RAB3GAP1: variants seen among roughly 807,000 people sequenced by gnomAD.
The protein encoded by RAB3GAP1 is rab3 GTPase-activating protein catalytic subunit.
Under a neutral mutation model 130.7 loss-of-function variants are expected in RAB3GAP1, and 86 were observed. That is an observed-to-expected ratio of 0.66 (90% CI 0.55 to 0.79). The LOEUF is 0.79. Ranked by LOEUF, RAB3GAP1 falls within the 30% of genes least tolerant of loss-of-function variation. The probability of loss-of-function intolerance (pLI) is 0.00; values close to 1 mark genes in which losing one functional copy is unlikely to be tolerated. For missense variants in RAB3GAP1, 1,029 were observed against 1,169.4 expected (o/e 0.88, Z 1.75); for synonymous variants, 367 against 401.7 (o/e 0.91, Z 1.03).
intron 5 of RAB3GAP1, among the ~76,000 whole-genome samples, chr2:135,104,709 A>C (rs1421908188): frequency 6.6e-6 from 1 of 150,376 alleles, no homozygotes; most frequent in Non-Finnish European, 1.5e-5. Flanking sequence ...AAAATAAATA[A>C]ATAAATAAAT....
At chr2:135,134,538 A>C (rs925350087) in intron 15 of RAB3GAP1, among the ~76,000 whole-genome samples, 1 of 152,186 alleles carries the variant, frequency 6.6e-6, no homozygotes, top group Non-Finnish European at 1.5e-5. Flanking sequence ...TTGACATTTT[A>C]CTTAATCAAA....
chr2:135,107,826 T>A (rs1243524062), intron 5 of RAB3GAP1, among the ~76,000 whole-genome samples: 11 of 151,708 alleles, frequency 7.3e-5, no homozygotes, highest in African/African-American at 2.2e-4. Flanking sequence ...TACAAAAAAA[T>A]TAGCCAGGTG....
chr2:135,120,939 A>G (rs1388493852), intron 8 of RAB3GAP1, 21 bp downstream of exon 8: 1 of 1,462,642 alleles, frequency 6.8e-7, no homozygotes, highest in South Asian at 1.1e-5. Flanking sequence ...TTAGAACTAT[A>G]TTTAACTTAC....
rs1216686903 is a variant in RAB3GAP1 at position 135,106,178 on chromosome 2, T to TG, written c.363-6967dup. Among the ~76,000 whole-genome samples, 472 of 150,210 alleles carry TG rather than the reference T, an allele frequency of 3.1e-3. 4 individuals carry two copies. The highest frequency in any genetic ancestry group is 3.0e-3 in the Non-Finnish European group (201 of 67,610). ...TCCGGCCGCCGCCCCGTCCGGGAGG[T>TG]GGGGGGTGCCTCTGCCCGGCGGCCC... On this transcript the variant is annotated intron_variant, in intron 5 of 23. Coordinates refer to ENST00000264158, the MANE Select transcript of RAB3GAP1 (RefSeq NM_012233.3).
At chr2:135,135,994 T>C (rs1691670803) in intron 17 of RAB3GAP1, 62 bp downstream of exon 17, 4 of 1,579,920 alleles carry the variant, frequency 2.5e-6, no homozygotes, top group Non-Finnish European at 3.5e-6. Context: ...TTCATCCTAG[T>C]AGAAGATAGT....
rs543767979 is a variant in RAB3GAP1, at chr2:135,168,880, C to T, written c.*99C>T. 86 of 1,021,006 alleles carry T rather than the reference C, an allele frequency of 8.4e-5. No homozygotes were observed. The African/African-American group carries it at 1.1e-3, about 14-fold the overall frequency. 63.2% of individuals were successfully genotyped at this position (1,021,006 alleles called of 1,614,324 possible). On this transcript the variant is annotated 3_prime_UTR_variant, in exon 24 of 24. Transcript: ENST00000264158. ...GAACCTGGGAGGTCCTGGAGAGGGC[C>T]CTGTCCAGTTGGGTGATCAGGAATC...
chr2:135,088,373 A>C (rs989239835), intron 3 of RAB3GAP1, among the ~76,000 whole-genome samples: 1 of 152,140 alleles, frequency 6.6e-6, no homozygotes, highest in African/African-American at 2.4e-5. Flanking sequence ...CATGGTAAAG[A>C]AACCCACCCC....
At position 135,105,223 on chromosome 2, in the gene RAB3GAP1, C is replaced by G. The variant is rs1470693672; in HGVS notation, c.363-7928C>G. ...CCCCTTCCCTCTCCCCCTCCCCCTTCCCCCTCCCGCTCCCCCCTTCCCCCT... is the reference window on the plus strand; with the variant it reads ...CCCCTTCCCTCTCCCCCTCCCCCTTGCCCCTCCCGCTCCCCCCTTCCCCCT... On this transcript the variant is annotated intron_variant, in intron 5 of 23. Coordinates refer to ENST00000264158, the MANE Select transcript of RAB3GAP1 (RefSeq NM_012233.3). 7.9e-5 allele frequency among the ~76,000 whole-genome samples: 8 copies of G among 101,362 alleles called. No homozygotes were observed. In the East Asian group the frequency reaches 3.3e-3, roughly 42 times the overall value. The allele number at this position is 101,362 out of a possible 152,430, so 66.5% of individuals were successfully genotyped here.
chr2:135,121,688 C>T (rs139463862), intron 8 of RAB3GAP1, among the ~76,000 whole-genome samples: 3,783 of 152,160 alleles, frequency 0.025, 77 homozygotes, highest in Non-Finnish European at 0.033. Context: ...TAATCTACTT[C>T]TCCTAAAGAG....
chr2:135,159,283 CAG>C (rs1692402123), intron 19 of RAB3GAP1, among the ~76,000 whole-genome samples: 2 of 152,256 alleles, frequency 1.3e-5, no homozygotes, highest in Middle Eastern at 3.4e-3. Context: ...GTACAGTGCA[CAG>C]AGAGGGGAAA....
At chr2:135,120,525 C>T (rs1048455466) in intron 7 of RAB3GAP1, among the ~76,000 whole-genome samples, 14 of 152,246 alleles carry the variant, frequency 9.2e-5, no homozygotes, top group Admixed American at 5.9e-4. Flanking sequence ...CTGTTCATCC[C>T]TGATCCACCT....
intron 5 of RAB3GAP1, among the ~76,000 whole-genome samples, chr2:135,108,220 A>C (rs192251353): frequency 5.1e-4 from 77 of 152,282 alleles, no homozygotes; most frequent in Non-Finnish European, 5.9e-5. Context: ...TATAGTATTT[A>C]GTATACATAT....
chr2:135,112,834 T>TCTCTCACA (rs952841554), intron 5 of RAB3GAP1, among the ~76,000 whole-genome samples: 4 of 132,372 alleles, frequency 3.0e-5, no homozygotes, highest in African/African-American at 9.8e-5. Flanking sequence ...TCTCTCTCTC[T>TCTCTCACA]CACACACACA....
intron 3 of RAB3GAP1, among the ~76,000 whole-genome samples, chr2:135,068,796 C>T (rs368862384): frequency 5.9e-5 from 9 of 152,160 alleles, no homozygotes; most frequent in Admixed American, 5.2e-4. Flanking sequence ...ATTTTAGACA[C>T]TGTTTGATGT....
intron 5 of RAB3GAP1, among the ~76,000 whole-genome samples, chr2:135,106,188 C>G (rs911483289): frequency 6.6e-6 from 1 of 151,968 alleles, no homozygotes; most frequent in Non-Finnish European, 1.5e-5. Context: ...TGGGGGGTGC[C>G]TCTGCCCGGC....
At chr2:135,066,230 G>A (rs1347953501) in intron 3 of RAB3GAP1, among the ~76,000 whole-genome samples, 1 of 152,126 alleles carries the variant, frequency 6.6e-6, no homozygotes, top group Non-Finnish European at 1.5e-5. Context: ...TCTCTCCAGA[G>A]CATTGAAAAA....
chr2:135,087,340 T>C (rs1690017316), intron 3 of RAB3GAP1, among the ~76,000 whole-genome samples: 1 of 152,254 alleles, frequency 6.6e-6, no homozygotes, highest in African/African-American at 2.4e-5. Flanking sequence ...AGTATACTTA[T>C]TCATCAAAAT....
intron 3 of RAB3GAP1, among the ~76,000 whole-genome samples, chr2:135,067,786 G>A (rs904898986): frequency 6.6e-6 from 1 of 152,190 alleles, no homozygotes; most frequent in African/African-American, 2.4e-5. Flanking sequence ...GAGTGCGGTG[G>A]CACCATCTTG....
intron 18 of RAB3GAP1, among the ~76,000 whole-genome samples, chr2:135,152,544 G>C (rs905805367): frequency 2.0e-5 from 3 of 152,174 alleles, no homozygotes; most frequent in Non-Finnish European, 4.4e-5. Context: ...CTAGATCTTT[G>C]TACATGAATC....
Sources: gnomAD v4.1 joint callset for allele counts (sites outside exome capture counted in the v4.1 genomes callset) on GRCh38, gnomAD v4.1.1 for gene constraint, MANE v1.5 for transcripts, NCBI Gene and HGNC (gene_info 2026-07-23, HGNC 2026-07-21) for gene names.